DEPDC5: variants seen among roughly 807,000 people sequenced by gnomAD.
DEPDC5 encodes the protein DEP domain containing 5, GATOR1 subcomplex subunit.
In DEPDC5, 73 loss-of-function variants were observed where a neutral mutation model predicts 217.3. That is an observed-to-expected ratio of 0.34 (90% CI 0.28 to 0.41). DEPDC5 has a LOEUF of 0.41. Ranked by LOEUF, DEPDC5 falls within the 10% of genes least tolerant of loss-of-function variation. DEPDC5 has a pLI of 1.00. For synonymous variants in DEPDC5, 733 were observed against 756.7 expected, an observed-to-expected ratio of 0.97 and a Z score of 0.51; for missense variants, 1,675 against 2,070.1, an observed-to-expected ratio of 0.81 and a Z score of 3.70.
chr22:31,883,596 G>C lies in DEPDC5; in HGVS notation c.4033+3844G>C, dbSNP rs182315223. On this transcript the variant is annotated intron_variant, in intron 38 of 42. Coordinates refer to ENST00000651528, the MANE Select transcript of DEPDC5 (RefSeq NM_001242896.3). ...TCATTAATCTTTACGTCAGTCTCCT[G>C]ATGGGTACTACAATTTATGCTTTAG... Among the ~76,000 whole-genome samples the C allele has an allele frequency of 2.9e-3, 442 of 152,322 alleles. 3 individuals are homozygous for C. The highest frequency in any genetic ancestry group is 9.9e-3 in the African/African-American group (413 of 41,580).
At chr22:31,812,456 G>C (rs1341545004) in intron 20 of DEPDC5, among the ~76,000 whole-genome samples, 1 of 115,836 alleles carries the variant, frequency 8.6e-6, no homozygotes. Flanking sequence ...ACAGAGTCTC[G>C]CTCTGTTGCC....
At chr22:31,852,042 G>A (rs901807829) in intron 31 of DEPDC5, among the ~76,000 whole-genome samples, 1 of 152,082 alleles carries the variant, frequency 6.6e-6, no homozygotes, top group Non-Finnish European at 1.5e-5. Flanking sequence ...AATTAGCCTA[G>A]AGTGGTGGTG....
intron 34 of DEPDC5, among the ~76,000 whole-genome samples, chr22:31,871,755 A>C (rs1445056714): frequency 6.6e-6 from 1 of 152,260 alleles, no homozygotes; most frequent in Non-Finnish European, 1.5e-5. Context: ...TGAAAAGACC[A>C]AAAATGACAT....
intron 7 of DEPDC5, chr22:31,769,922 C>CAA: frequency 6.9e-6 from 1 of 144,206 alleles, no homozygotes; most frequent in Non-Finnish European, 1.5e-5. Context: ...GACCCTGCCT[C>CAA]AAAAAAAAAA....
chr22:31,819,160 C>T lies in DEPDC5; in HGVS notation c.1805C>T (p.Ala602Val), dbSNP rs2148802135. 1 of 1,614,196 alleles carries T rather than the reference C, an allele frequency of 6.2e-7. No homozygotes were observed. Among genetic ancestry groups the T allele is most frequent in the East Asian group, 2.2e-5 (1 of 44,886 alleles). Residue 602 changes from alanine (A) to valine (V), a missense_variant, in exon 22 of 43, where the codon GCT (alanine) becomes GTT (valine). Ala to Val is a moderately conservative substitution (Grantham distance 64). This residue lies in a region of DEPDC5 where 628 missense variants were observed against 762.1 expected (regional missense o/e 0.82). Transcript: ENST00000651528. ...TPQRALINPFAPSRMPMKLTS... is the reference protein window; with the variant it reads ...TPQRALINPFVPSRMPMKLTS... ...CAGAGAGCACTGATTAACCCCTTCG[C>T]TCCCTCTCGGATGCCCATGAAGCTT... is the stretch of plus-strand genomic sequence containing the variant.
intron 29 of DEPDC5, chr22:31,844,789 A>G: frequency 2.1e-6 from 1 of 483,586 alleles, no homozygotes; most frequent in Admixed American, 4.5e-5. Context: ...TCCTGAGTTC[A>G]AGCAATCCTC....
rs570807069 is a variant in DEPDC5 at position 31,770,485 on chromosome 22, A to G, written c.413+1622A>G. 1.3e-3 allele frequency among the ~76,000 whole-genome samples: 204 copies of G among 151,140 alleles called. 1 individual carries two copies. Among genetic ancestry groups the G allele is most frequent in the African/African-American group, 4.8e-3 (199 of 41,190 alleles). On this transcript the variant is annotated intron_variant, in intron 7 of 42. Coordinates refer to ENST00000651528, the MANE Select transcript of DEPDC5 (RefSeq NM_001242896.3). ...AGCCTCTACCTCCTGATTTCAAGCA[A>G]TTATCCTGCCTCAGCCTCGTGAGTT... is the stretch of plus-strand genomic sequence containing the variant.
At chr22:31,760,527 C>T in intron 3 of DEPDC5, 129 bp from the exon 4 acceptor site, 7 of 755,766 alleles carry the variant, frequency 9.3e-6, no homozygotes, top group Non-Finnish European at 1.3e-5. Flanking sequence ...TCTGAGGGAG[C>T]TTTCTCCCGT....
At chr22:31,814,895 G>A in intron 20 of DEPDC5, 97 bp from the exon 21 acceptor site, 2 of 1,346,564 alleles carry the variant, frequency 1.5e-6, no homozygotes, top group Non-Finnish European at 2.1e-6. Context: ...TTGTTATTGG[G>A]TTCCATGTGG....
At chr22:31,869,821 A>G (rs2092792092) in intron 33 of DEPDC5, among the ~76,000 whole-genome samples, 1 of 152,146 alleles carries the variant, frequency 6.6e-6, no homozygotes, top group Non-Finnish European at 1.5e-5. Flanking sequence ...TTTCAGAGTA[A>G]CAGAATGATG....
intron 27 of DEPDC5, among the ~76,000 whole-genome samples, chr22:31,840,299 G>T (rs992440842): frequency 6.6e-6 from 1 of 152,118 alleles, no homozygotes; most frequent in African/African-American, 2.4e-5. Flanking sequence ...GGAGTAGAAG[G>T]GAAGGGCATA....
At chr22:31,829,230 A>C (rs182880503) in intron 24 of DEPDC5, among the ~76,000 whole-genome samples, 4 of 152,146 alleles carry the variant, frequency 2.6e-5, no homozygotes, top group Non-Finnish European at 5.9e-5. Flanking sequence ...TTAACATTTC[A>C]TTCATTAAAA....
At chr22:31,775,015 A>G (rs376454114) in intron 7 of DEPDC5, among the ~76,000 whole-genome samples, 2,085 of 152,230 alleles carry the variant, frequency 0.014, 14 homozygotes, top group Middle Eastern at 0.031. Flanking sequence ...AAGGAGTATG[A>G]AAAAGCATCC....
chr22:31,854,343 G>A (rs1459668423), intron 31 of DEPDC5, among the ~76,000 whole-genome samples: 1 of 152,144 alleles, frequency 6.6e-6, no homozygotes, highest in Non-Finnish European at 1.5e-5. Flanking sequence ...GTGGTCACTG[G>A]GGATGCAAGA....
chr22:31,810,230 G>C (rs570273368), intron 19 of DEPDC5, among the ~76,000 whole-genome samples: 3 of 152,088 alleles, frequency 2.0e-5, no homozygotes, highest in Non-Finnish European at 2.9e-5. Flanking sequence ...TTTAAGAAGG[G>C]TCACAAAAGG....
chr22:31,844,888 G>T, intron 29 of DEPDC5, 130 bp from the exon 30 acceptor site: 1 of 916,612 alleles, frequency 1.1e-6, no homozygotes. Context: ...GCCATGAGCT[G>T]TAGCATCAAA....
chr22:31,901,068 C>T (rs1215661958), intron 40 of DEPDC5, among the ~76,000 whole-genome samples: 1 of 152,024 alleles, frequency 6.6e-6, no homozygotes, highest in African/African-American at 2.4e-5. Context: ...CATGGTAAAA[C>T]CCCGTCTCTA....
intron 18 of DEPDC5, among the ~76,000 whole-genome samples, chr22:31,806,509 C>T (rs147815057): frequency 7.9e-5 from 12 of 152,324 alleles, no homozygotes; most frequent in African/African-American, 1.9e-4. Flanking sequence ...GGCCAGACTG[C>T]GTGAAATACC....
intron 29 of DEPDC5, chr22:31,844,705 T>G (rs2091615834): frequency 8.2e-6 from 1 of 122,604 alleles, no homozygotes; most frequent in Non-Finnish European, 1.7e-5. Context: ...CAGAGCTCTT[T>G]TTTTTTTTTT....
Sources: gnomAD v4.1 joint callset for allele counts (sites outside exome capture counted in the v4.1 genomes callset) on GRCh38, gnomAD v4.1.1 for gene constraint, gnomAD v4.1.1 regional missense constraint, MANE v1.5 for transcripts, NCBI Gene and HGNC (gene_info 2026-07-23, HGNC 2026-07-21) for gene names.